The following LGR6 variants were observed in gnomAD, a reference collection of about 807,000 sequenced individuals.
LGR6 encodes leucine rich repeat containing G protein-coupled receptor 6.
In LGR6, 45 loss-of-function variants were observed where a neutral mutation model predicts 69.4. The ratio of observed to expected loss-of-function variants is 0.65; its 90% CI spans 0.51 to 0.83. The LOEUF (loss-of-function observed/expected upper bound fraction) is 0.83, where lower values mean the gene tolerates loss of function less well. Among genes scored for constraint, LGR6 ranks in the 40% least tolerant of loss-of-function variants. The pLI is 0.00. For synonymous variants in LGR6, 538 were observed against 555.0 expected (o/e 0.97, Z 0.43); for missense variants, 1,108 against 1,246.7 (o/e 0.89, Z 1.68).
Position 202,287,846 on chromosome 1 carries a change from G to A in LGR6, c.716+6994G>A, listed in dbSNP as rs541547670. On this transcript the variant is annotated intron_variant, in intron 6 of 17. Transcript: ENST00000367278. ...AAGCCGCCATCCTTCTCTCACCTGG[G>A]TTATTGCAGTGGCCTTCTATCTGGT... Among the ~76,000 whole-genome samples, 10 of 152,274 alleles carry A rather than the reference G, an allele frequency of 6.6e-5. No homozygotes were observed. The South Asian group carries it at 1.2e-3, about 19-fold the overall frequency.
chr1:202,245,431 C>G (rs986929916), intron 4 of LGR6, among the ~76,000 whole-genome samples: 6 of 152,102 alleles, frequency 3.9e-5, no homozygotes, highest in Non-Finnish European at 8.8e-5. Flanking sequence ...TTCTTTCAGC[C>G]GTAAATGCCG....
At chr1:202,199,300 TC>T (rs1045550480) in intron 1 of LGR6, among the ~76,000 whole-genome samples, 1 of 151,702 alleles carries the variant, frequency 6.6e-6, no homozygotes, top group African/African-American at 2.4e-5. Flanking sequence ...GGAAGTGGGG[TC>T]CCCTGGGGCT....
At chr1:202,245,335 C>T (rs371019303) in intron 4 of LGR6, among the ~76,000 whole-genome samples, 2 of 152,280 alleles carry the variant, frequency 1.3e-5, no homozygotes, top group South Asian at 4.1e-4. Flanking sequence ...CCCTGCAGCC[C>T]TCAAGGGTCT....
rs369917923 is a variant in LGR6, at chr1:202,268,607, G to A, written c.429-7699G>A. On this transcript the variant is annotated intron_variant, in intron 4 of 17. Coordinates refer to ENST00000367278, the MANE Select transcript of LGR6 (RefSeq NM_001017403.2). This position sits in a 1 kb window ranked among gnomAD's most constrained non-coding sequence, Gnocchi z 4.4. ...TGAAAGTCAGCTATGTAGCCAAGTA[G>A]GGGTGGGGGGTTCAGAGATGAAAAC... Among the ~76,000 whole-genome samples the A allele has an allele frequency of 6.6e-6, 1 of 152,180 alleles. No individual in the cohort carries two copies. Among genetic ancestry groups the A allele is most frequent in the Admixed American group, 6.5e-5 (1 of 15,274 alleles).
chr1:202,290,598 C>T (rs557996481), intron 6 of LGR6, among the ~76,000 whole-genome samples: 34 of 152,322 alleles, frequency 2.2e-4, no homozygotes, highest in South Asian at 6.2e-4. Flanking sequence ...GGGGGCCAGG[C>T]GCGGTGGCTC....
At chr1:202,285,822 G>A (rs1666350635) in intron 6 of LGR6, among the ~76,000 whole-genome samples, 1 of 152,142 alleles carries the variant, frequency 6.6e-6, no homozygotes, top group African/African-American at 2.4e-5. Flanking sequence ...TAAAAAAACA[G>A]CAACTTATTC....
intron 4 of LGR6, among the ~76,000 whole-genome samples, chr1:202,258,717 T>G (rs531639296): frequency 3.4e-4 from 51 of 152,206 alleles, no homozygotes; most frequent in Admixed American, 9.8e-4. Context: ...TTATTAATCT[T>G]AAGGCTTTAT....
intron 6 of LGR6, among the ~76,000 whole-genome samples, chr1:202,281,345 T>C (rs752852683): frequency 1.3e-5 from 2 of 152,222 alleles, no homozygotes; most frequent in East Asian, 1.9e-4. Context: ...AAATGATTAA[T>C]GGGGAGATGG....
At chr1:202,203,710 G>T in intron 1 of LGR6, 1 of 1,150,102 alleles carries the variant, frequency 8.7e-7, no homozygotes, top group South Asian at 1.3e-5. Context: ...GCCAGATACT[G>T]CGTAGCAGGC....
At chr1:202,233,607 T>A (rs1280647472) in intron 3 of LGR6, among the ~76,000 whole-genome samples, 1 of 152,162 alleles carries the variant, frequency 6.6e-6, no homozygotes, top group African/African-American at 2.4e-5. Flanking sequence ...TGAGGCTTTA[T>A]GCACCTTCTG....
chr1:202,211,018 G>A (rs1313366585), intron 1 of LGR6, among the ~76,000 whole-genome samples: 1 of 152,246 alleles, frequency 6.6e-6, no homozygotes, highest in Non-Finnish European at 1.5e-5. Context: ...GGACTTAGAA[G>A]GTGGGTAGGA....
At chr1:202,205,714 C>T (rs1235382369) in intron 1 of LGR6, among the ~76,000 whole-genome samples, 1 of 89,816 alleles carries the variant, frequency 1.1e-5, no homozygotes, top group Non-Finnish European at 2.8e-5. Flanking sequence ...ACACCCCTAA[C>T]ACACACACCT....
intron 1 of LGR6, among the ~76,000 whole-genome samples, chr1:202,204,476 T>C (rs1340660755): frequency 5.5e-3 from 64 of 11,622 alleles, no homozygotes; most frequent in Non-Finnish European, 6.4e-3. Context: ...CACACACACC[T>C]CCAAACACAC....
intron 6 of LGR6, among the ~76,000 whole-genome samples, chr1:202,283,489 G>A (rs948320276): frequency 3.9e-5 from 6 of 152,140 alleles, no homozygotes; most frequent in African/African-American, 1.2e-4. Flanking sequence ...TCTCCCTCAG[G>A]CCCCATAAAT....
chr1:202,230,465 C>G (rs556923763), intron 3 of LGR6, among the ~76,000 whole-genome samples: 6 of 152,360 alleles, frequency 3.9e-5, no homozygotes, highest in South Asian at 2.1e-4. Flanking sequence ...CATCACTAGT[C>G]TCACCATCCC....
At chr1:202,304,212 GAGA>G (rs1444432916) in intron 10 of LGR6, among the ~76,000 whole-genome samples, 1 of 152,208 alleles carries the variant, frequency 6.6e-6, no homozygotes, top group East Asian at 1.9e-4. Flanking sequence ...CCCTACAGCA[GAGA>G]AGATTTGTGT....
chr1:202,228,748 T>G (rs983106143), intron 3 of LGR6, among the ~76,000 whole-genome samples: 7 of 152,172 alleles, frequency 4.6e-5, no homozygotes, highest in African/African-American at 1.7e-4. Flanking sequence ...AGGAAGCGGA[T>G]GCATAGGGAC....
chr1:202,318,079 C>T lies in LGR6; in HGVS notation c.1776C>T (p.Val592=), dbSNP rs761104259. 6.8e-5 allele frequency: 110 copies of T among 1,613,290 alleles called. No individual in the cohort carries two copies. The highest frequency in any genetic ancestry group is 8.9e-5 in the Non-Finnish European group (105 of 1,179,322). The change falls in exon 18 of 18, where the codon GTC becomes GTT. Residue 592 remains valine, a synonymous_variant. Transcript: ENST00000367278. ...VLLTVFAGGP[V]PLPPVKFVVG... Reference sequence around the variant, plus strand: ...TGACCGTGTTCGCTGGCGGGCCTGTCCCCCTGCCCCCGGTCAAGTTTGTGG... The same window carrying T: ...TGACCGTGTTCGCTGGCGGGCCTGTTCCCCTGCCCCCGGTCAAGTTTGTGG...
chr1:202,194,439 C>G (rs1270908496), intron 1 of LGR6: 1 of 602,506 alleles, frequency 1.7e-6, no homozygotes. Flanking sequence ...GGCCTCCGTG[C>G]TTGTGGGCTG....
Sources: gnomAD v4.1 joint callset for allele counts (sites outside exome capture counted in the v4.1 genomes callset) on GRCh38, gnomAD v4.1.1 for gene constraint, Gnocchi (gnomAD v3.1) non-coding constraint, MANE v1.5 for transcripts, NCBI Gene and HGNC (gene_info 2026-07-23, HGNC 2026-07-21) for gene names.